Variants in ADGRL2 observed in about 807,000 individuals in gnomAD.
ADGRL2 encodes the protein adhesion G protein-coupled receptor L2.
A neutral mutation model predicts 157.4 loss-of-function variants in ADGRL2; 44 were observed. The observed-to-expected ratio is 0.28, with a 90% CI of 0.22 to 0.36. ADGRL2 has a LOEUF of 0.36. Ranked by LOEUF, ADGRL2 falls within the 10% of genes least tolerant of loss-of-function variation. ADGRL2 has a pLI of 1.00. For missense variants in ADGRL2, 1,510 were observed against 1,768.9 expected, an observed-to-expected ratio of 0.85 and a Z score of 2.63; for synonymous variants, 585 against 624.7, an observed-to-expected ratio of 0.94 and a Z score of 0.95.
At chr1:81,553,064 TAG>T (rs2080189708) in intron 2 of ADGRL2, among the ~76,000 whole-genome samples, 1 of 152,084 alleles carries the variant, frequency 6.6e-6, no homozygotes, top group African/African-American at 2.4e-5. Context: ...TATGTTAGTG[TAG>T]AGATGACTTC....
chr1:81,969,369 T>G lies in ADGRL2; in HGVS notation c.2715T>G (p.Ile905Met). 6.2e-7 allele frequency: 1 copy of G among 1,613,172 alleles called. No homozygotes were observed. Among genetic ancestry groups the G allele is most frequent in the Non-Finnish European group, 8.5e-7 (1 of 1,179,200 alleles). ...CTGAATTTATTTTCCTAATAGGCAT[T>G]GATAAGACAAAATATGCGGTAAGCA... ...FIAEFIFLIG[I>M]DKTKYAIACP... Residue 905 changes from isoleucine to methionine, a missense_variant, in exon 15 of 24, where the codon ATT becomes ATG. By Grantham distance (10) the Ile-to-Met change is conservative (BLOSUM62 1). This residue lies in a region of ADGRL2 where 497 missense variants were observed against 627.2 expected (regional missense o/e 0.79). Transcript: ENST00000686636.
rs1044533192 is a variant in ADGRL2 at position 81,989,592 on chromosome 1, G to T, written c.3656-799G>T. On this transcript the variant is annotated intron_variant, in intron 23 of 23. Transcript: ENST00000686636. ...GTTGAACCCTTGCTCTGACTAAGTT[G>T]CTGAGAAGCTTAGAAATTCTTCATC... The T allele has an allele frequency of 2.2e-5, 31 of 1,390,782 alleles. No homozygotes were observed. In the Middle Eastern group the frequency reaches 1.4e-3, roughly 65 times the overall value. The allele number at this position is 1,390,782 out of a possible 1,614,324, so 86.2% of individuals were successfully genotyped here.
At chr1:81,491,858 C>A (rs750400431) in intron 2 of ADGRL2, among the ~76,000 whole-genome samples, 1 of 152,140 alleles carries the variant, frequency 6.6e-6, no homozygotes, top group East Asian at 1.9e-4. Flanking sequence ...TTATTCAGCT[C>A]TCCTTGTAAA....
chr1:81,552,538 G>A (rs995133318), intron 2 of ADGRL2, among the ~76,000 whole-genome samples: 1 of 147,604 alleles, frequency 6.8e-6, no homozygotes, highest in Non-Finnish European at 1.5e-5. Flanking sequence ...TTTAAAATTA[G>A]GATTTCAGGT....
chr1:81,683,997 A>G (rs1287136839), intron 3 of ADGRL2, among the ~76,000 whole-genome samples: 1 of 151,502 alleles, frequency 6.6e-6, no homozygotes, highest in African/African-American at 2.4e-5. Flanking sequence ...TTTTATTTTT[A>G]GTAGAGATGA....
intron 3 of ADGRL2, among the ~76,000 whole-genome samples, chr1:81,601,168 C>T (rs1446579939): frequency 6.6e-6 from 1 of 152,212 alleles, no homozygotes; most frequent in Non-Finnish European, 1.5e-5. Context: ...CATTAAGTAG[C>T]ATGCCTCATG....
At chr1:81,889,670 A>G (rs934113039) in intron 2 of ADGRL2, among the ~76,000 whole-genome samples, 6 of 152,214 alleles carry the variant, frequency 3.9e-5, no homozygotes, top group African/African-American at 1.4e-4. Context: ...ACTAAACAAC[A>G]GATTTTAAAT....
At chr1:81,374,959 G>A (rs12121535) in intron 1 of ADGRL2, among the ~76,000 whole-genome samples, 1,984 of 152,162 alleles carry the variant, frequency 0.013, 22 homozygotes, top group Non-Finnish European at 0.02. Flanking sequence ...TGTCCAGATG[G>A]CTCTCATTTG....
At chr1:81,740,807 G>A (rs2085049006) in intron 1 of ADGRL2, among the ~76,000 whole-genome samples, 1 of 152,080 alleles carries the variant, frequency 6.6e-6, no homozygotes, top group Admixed American at 6.6e-5. Context: ...GCTTTTGAGA[G>A]AAGAAATTTA....
intron 1 of ADGRL2, among the ~76,000 whole-genome samples, chr1:81,820,150 A>C (rs1432082860): frequency 6.6e-6 from 1 of 152,180 alleles, no homozygotes; most frequent in Non-Finnish European, 1.5e-5. Context: ...CAACAACCCA[A>C]AGCATCTATC....
chr1:81,678,790 A>G (rs1005131697), intron 3 of ADGRL2, among the ~76,000 whole-genome samples: 2 of 152,042 alleles, frequency 1.3e-5, no homozygotes, highest in Non-Finnish European at 2.9e-5. Flanking sequence ...AGGTGGTCCC[A>G]TTTTTTTCTT....
intron 17 of ADGRL2, among the ~76,000 whole-genome samples, chr1:81,972,952 G>A (rs1314164568): frequency 6.6e-6 from 1 of 150,688 alleles, no homozygotes; most frequent in African/African-American, 2.4e-5. Context: ...GCACTATGGT[G>A]AGAAATGGTG....
intron 1 of ADGRL2, among the ~76,000 whole-genome samples, chr1:81,393,349 C>T (rs1187125111): frequency 7.8e-6 from 1 of 127,600 alleles, no homozygotes; most frequent in Non-Finnish European, 1.8e-5. Flanking sequence ...AAACTCCATG[C>T]CCCAGGGAAA....
At chr1:81,466,812 CAATT>C (rs570534736) in intron 2 of ADGRL2, among the ~76,000 whole-genome samples, 45 of 151,942 alleles carry the variant, frequency 3.0e-4, no homozygotes, top group Admixed American at 2.6e-4. Flanking sequence ...AAATTAAAGT[CAATT>C]AAACCACATT....
rs533159161 is a variant in ADGRL2 at position 81,398,497 on chromosome 1, C to A, written c.-301-46539C>A. ...TCTACCAGTGAATTTTATACTTTTG[C>A]ATGTTTTTGTGGTGTGATTATCATC... is the stretch of plus-strand genomic sequence containing the variant. On this transcript the variant is annotated intron_variant, in intron 1 of 24. Coordinates refer to the ADGRL2 transcript ENST00000370721. Among the ~76,000 whole-genome samples, 12 of 151,594 alleles carry A rather than the reference C, an allele frequency of 7.9e-5. No homozygotes were observed. The South Asian group carries it at 2.1e-3, about 26-fold the overall frequency.
At chr1:81,627,342 C>T (rs574413069) in intron 3 of ADGRL2, among the ~76,000 whole-genome samples, 60 of 152,226 alleles carry the variant, frequency 3.9e-4, no homozygotes, top group Middle Eastern at 3.4e-3. Flanking sequence ...AATAGTTGTG[C>T]AGCGTCAACT....
At chr1:81,500,588 AC>A (rs2078825131) in intron 2 of ADGRL2, among the ~76,000 whole-genome samples, 1 of 152,192 alleles carries the variant, frequency 6.6e-6, no homozygotes, top group Non-Finnish European at 1.5e-5. Flanking sequence ...TATAAGAGGT[AC>A]CTGGAATAGT....
At chr1:81,394,657 G>C (rs971761231) in intron 1 of ADGRL2, among the ~76,000 whole-genome samples, 1 of 152,102 alleles carries the variant, frequency 6.6e-6, no homozygotes, top group Non-Finnish European at 1.5e-5. Context: ...ATTGTGAATA[G>C]TGCTGCCACA....
intron 18 of ADGRL2, 67 bp from the exon 19 acceptor site, chr1:81,981,741 A>G (rs576490351): frequency 8.0e-7 from 1 of 1,255,448 alleles, no homozygotes; most frequent in South Asian, 1.3e-5. Context: ...TGATATGTTA[A>G]CATTTAAGCG....
Sources: allele counts gnomAD v4.1 joint callset (sites outside exome capture counted in the v4.1 genomes callset), GRCh38; gene constraint gnomAD v4.1.1; regional missense constraint gnomAD v4.1.1; transcripts MANE v1.5; gene names NCBI Gene and HGNC (gene_info 2026-07-23, HGNC 2026-07-21).